The following TMEM74 variants were observed in gnomAD, a reference collection of about 807,000 sequenced individuals.
TMEM74 encodes the protein transmembrane protein 74.
TMEM74 carries 13 observed loss-of-function variants against 18.1 expected under a neutral mutation model. The observed-to-expected ratio is 0.72, with a 90% CI of 0.47 to 1.14. TMEM74 has a LOEUF of 1.14. Ranked by LOEUF, TMEM74 falls within the 50% of genes most tolerant of loss-of-function variation. The pLI, the probability that TMEM74 is intolerant of heterozygous loss-of-function variation, is 0.00. For synonymous variants in TMEM74, 159 were observed against 146.6 expected (o/e 1.08, Z -0.61); for missense variants, 372 against 375.9 (o/e 0.99, Z 0.09).
At chr8:108,629,048 T>C (rs545230102) in intron 2 of TMEM74, among the ~76,000 whole-genome samples, 1 of 152,230 alleles carries the variant, frequency 6.6e-6, no homozygotes, top group South Asian at 2.1e-4. Context: ...CTTTGTCAGA[T>C]GGATAGATTG....
intron 1 of TMEM74, among the ~76,000 whole-genome samples, chr8:108,688,466 G>A (rs765778312): frequency 2.0e-5 from 3 of 152,280 alleles, no homozygotes; most frequent in South Asian, 2.1e-4. Context: ...AGGGCTTCCA[G>A]TCTCAGCCCC....
chr8:108,776,580 C>G (rs1232345009), downstream of TMEM74, among the ~76,000 whole-genome samples: 2 of 152,192 alleles, frequency 1.3e-5, no homozygotes, highest in Non-Finnish European at 2.9e-5. Flanking sequence ...GATTGTAGTA[C>G]AAGATATTTA....
chr8:108,785,424 C>A (rs186636850), intron 1 of TMEM74, among the ~76,000 whole-genome samples: 27 of 152,246 alleles, frequency 1.8e-4, no homozygotes, highest in Middle Eastern at 3.4e-3. Context: ...CGTCACCAAG[C>A]CAAATTTATT....
chr8:108,643,535 G>A (rs1272023567), intron 2 of TMEM74, among the ~76,000 whole-genome samples: 1 of 151,992 alleles, frequency 6.6e-6, no homozygotes, highest in African/African-American at 2.4e-5. Flanking sequence ...TAAGGCAGAA[G>A]CTTTTTGAAC....
At chr8:108,641,985 G>T (rs182607790) in intron 2 of TMEM74, among the ~76,000 whole-genome samples, 110 of 152,126 alleles carry the variant, frequency 7.2e-4, no homozygotes, top group African/African-American at 2.6e-3. Flanking sequence ...GCACAGTGAA[G>T]GATCAGTAAG....
intron 1 of TMEM74, among the ~76,000 whole-genome samples, chr8:108,667,207 C>A (rs1332486758): frequency 6.6e-6 from 1 of 152,062 alleles, no homozygotes; most frequent in Non-Finnish European, 1.5e-5. Context: ...GAGTATGAGT[C>A]CCAGTTGTGT....
intron 1 of TMEM74, among the ~76,000 whole-genome samples, chr8:108,686,015 T>G (rs974039384): frequency 1.3e-4 from 19 of 151,934 alleles, no homozygotes; most frequent in African/African-American, 4.6e-4. Context: ...ATAAAGGTGT[T>G]AATTAAACTT....
At chr8:108,719,379 A>T (rs949807619) in intron 1 of TMEM74, among the ~76,000 whole-genome samples, 1 of 152,160 alleles carries the variant, frequency 6.6e-6, no homozygotes, top group South Asian at 2.1e-4. Context: ...TCCACAATAT[A>T]ATACTTTATT....
At chr8:108,699,138 T>G in intron 1 of TMEM74, among the ~76,000 whole-genome samples, 1 of 48,064 alleles carries the variant, frequency 2.1e-5, no homozygotes, top group Non-Finnish European at 3.8e-5. Flanking sequence ...TTCCCTCCCC[T>G]CCCTCTTTTC....
At chr8:108,661,789 G>A (rs1812902336) in intron 1 of TMEM74, among the ~76,000 whole-genome samples, 1 of 152,054 alleles carries the variant, frequency 6.6e-6, no homozygotes, top group Non-Finnish European at 1.5e-5. Flanking sequence ...TTTAAAAGAA[G>A]AATGGGAATT....
chr8:108,699,284 T>G (rs140217554), intron 1 of TMEM74, among the ~76,000 whole-genome samples: 66 of 149,760 alleles, frequency 4.4e-4, no homozygotes, highest in African/African-American at 1.6e-3. Flanking sequence ...ATTATAGGAC[T>G]AAACATTTTG....
chr8:108,765,645 G>A (rs1814098222), intron 1 of TMEM74, among the ~76,000 whole-genome samples: 1 of 151,908 alleles, frequency 6.6e-6, no homozygotes, highest in East Asian at 1.9e-4. Context: ...CTGACCTCAA[G>A]TGATCCACCC....
intron 2 of TMEM74, among the ~76,000 whole-genome samples, chr8:108,619,359 C>T (rs779611879): frequency 1.1e-4 from 17 of 152,298 alleles, no homozygotes; most frequent in African/African-American, 2.2e-4. Context: ...GTCCTGCAGA[C>T]GGTTCTGAAT....
intron 1 of TMEM74, among the ~76,000 whole-genome samples, chr8:108,756,595 A>AGG (rs1563543580): frequency 4.6e-5 from 4 of 86,142 alleles, no homozygotes; most frequent in Non-Finnish European, 8.9e-5. Flanking sequence ...AAAGAAAGAA[A>AGG]GAGAAAGGAA....
chr8:108,704,006 G>A (rs1395857131), intron 1 of TMEM74, among the ~76,000 whole-genome samples: 9 of 152,150 alleles, frequency 5.9e-5, no homozygotes, highest in Non-Finnish European at 1.0e-4. Context: ...TGGAATATTG[G>A]CAGAAGTATA....
At chr8:108,695,624 G>A (rs1053915788) in intron 1 of TMEM74, among the ~76,000 whole-genome samples, 2 of 152,080 alleles carry the variant, frequency 1.3e-5, no homozygotes, top group Admixed American at 1.3e-4. Flanking sequence ...TTTAGATCTA[G>A]CCCATTACAA....
At chr8:108,702,469 A>G (rs1813347275) in intron 1 of TMEM74, among the ~76,000 whole-genome samples, 1 of 152,054 alleles carries the variant, frequency 6.6e-6, no homozygotes, top group Non-Finnish European at 1.5e-5. Context: ...GGTTCTGGAG[A>G]GCTGGCCATC....
chr8:108,724,354 T>C (rs1813613304), intron 1 of TMEM74, among the ~76,000 whole-genome samples: 1 of 152,168 alleles, frequency 6.6e-6, no homozygotes, highest in South Asian at 2.1e-4. Context: ...TAATTGAGTA[T>C]CAACAGAACC....
chr8:108,705,325 C>T (rs1280084604), intron 1 of TMEM74, among the ~76,000 whole-genome samples: 1 of 152,124 alleles, frequency 6.6e-6, no homozygotes, highest in African/African-American at 2.4e-5. Context: ...TTAACAACGC[C>T]TTGAAGTCTG....
Sources: gnomAD v4.1 joint callset for allele counts (sites outside exome capture counted in the v4.1 genomes callset) on GRCh38, gnomAD v4.1.1 for gene constraint, MANE v1.5 for transcripts, NCBI Gene and HGNC (gene_info 2026-07-23, HGNC 2026-07-21) for gene names.